Variants in PCDHA12 observed in about 807,000 individuals in gnomAD.
The protein encoded by PCDHA12 is protocadherin alpha-12.
A neutral mutation model predicts 60.0 loss-of-function variants in PCDHA12; 44 were observed. That is an observed-to-expected ratio of 0.73 (90% CI 0.58 to 0.94). The LOEUF is 0.94. Among genes scored for constraint, PCDHA12 ranks in the 40% least tolerant of loss-of-function variants. PCDHA12 has a pLI of 0.00. For missense variants in PCDHA12, 1,276 were observed against 1,239.7 expected (o/e 1.03, Z -0.44); for synonymous variants, 569 against 553.0 (o/e 1.03, Z -0.40).
intron 1 of PCDHA12, among the ~76,000 whole-genome samples, chr5:140,923,528 C>CA (rs1240707958): frequency 2.0e-5 from 3 of 151,622 alleles, no homozygotes; most frequent in Non-Finnish European, 4.4e-5. Context: ...GATTCTGTCC[C>CA]AAAAAAAGGA....
chr5:140,910,652 T>C (rs2075120001), intron 1 of PCDHA12, among the ~76,000 whole-genome samples: 1 of 152,204 alleles, frequency 6.6e-6, no homozygotes, highest in Non-Finnish European at 1.5e-5. Flanking sequence ...TTTTGATCCC[T>C]TCCTCTACAT....
chr5:140,941,285 T>C (rs1563188656), intron 1 of PCDHA12, among the ~76,000 whole-genome samples: 1 of 119,964 alleles, frequency 8.3e-6, no homozygotes, highest in African/African-American at 2.9e-5. Flanking sequence ...TTCCTTCCTT[T>C]CTCTTTCTTT....
intron 1 of PCDHA12, among the ~76,000 whole-genome samples, chr5:140,888,871 T>C (rs2062016827): frequency 6.6e-6 from 1 of 152,084 alleles, no homozygotes; most frequent in African/African-American, 2.4e-5. Flanking sequence ...TGTCTCAACA[T>C]AAAAATTAAA....
Position 140,968,052 on chromosome 5 carries a change from G to A in PCDHA12, c.2368-10897G>A, listed in dbSNP as rs990784546. ...CTGGTGGTGAGCGGCCCACTGGACC[G>A]AGAGCGGGTGGCTGTCTACAACATC... On this transcript the variant is annotated intron_variant, in intron 1 of 3. Transcript: ENST00000398631. The A allele has an allele frequency of 5.0e-6, 8 of 1,614,014 alleles. No homozygotes were observed. In the Admixed American group the frequency reaches 5.0e-5, roughly 10 times the overall value.
intron 1 of PCDHA12, chr5:140,969,583 AG>A: frequency 1.1e-6 from 1 of 914,068 alleles, no homozygotes; most frequent in South Asian, 1.9e-5. Context: ...AGTGAGGATT[AG>A]TCTTAATATT....
chr5:140,997,698 A>G (rs1587762890), intron 3 of PCDHA12, among the ~76,000 whole-genome samples: 4 of 145,560 alleles, frequency 2.7e-5, no homozygotes, highest in South Asian at 2.2e-4. Context: ...GTGTGTGTGT[A>G]TGTTAACAAA....
intron 1 of PCDHA12, among the ~76,000 whole-genome samples, chr5:140,941,223 C>CTT (rs1276732463): frequency 3.0e-5 from 4 of 132,446 alleles, no homozygotes; most frequent in African/African-American, 1.2e-4. Context: ...TCCTTTCTTT[C>CTT]TTTCTTTCTT....
At chr5:141,006,828 G>A (rs1554260937) in intron 3 of PCDHA12, among the ~76,000 whole-genome samples, 1 of 152,162 alleles carries the variant, frequency 6.6e-6, no homozygotes, top group Non-Finnish European at 1.5e-5. Context: ...TAAATGGGGT[G>A]TAATTTACTG....
chr5:140,983,807 G>T (rs1158459034), intron 3 of PCDHA12, among the ~76,000 whole-genome samples: 1 of 152,100 alleles, frequency 6.6e-6, no homozygotes, highest in African/African-American at 2.4e-5. Context: ...TGTGTAAAAG[G>T]TTTTTTCCCA....
chr5:140,976,505 C>A (rs538128648), intron 1 of PCDHA12, among the ~76,000 whole-genome samples: 1 of 152,004 alleles, frequency 6.6e-6, no homozygotes, highest in Non-Finnish European at 1.5e-5. Flanking sequence ...GAGCCAAGAT[C>A]GCGCCACTGC....
chr5:140,972,540 T>G (rs1375467339), intron 1 of PCDHA12, among the ~76,000 whole-genome samples: 2 of 152,148 alleles, frequency 1.3e-5, no homozygotes, highest in Non-Finnish European at 2.9e-5. Flanking sequence ...AAATCACTTG[T>G]GCAGTGAGGA....
chr5:140,975,120 C>T (rs2096654332), intron 1 of PCDHA12, among the ~76,000 whole-genome samples: 1 of 152,140 alleles, frequency 6.6e-6, no homozygotes, highest in African/African-American at 2.4e-5. Flanking sequence ...TGTTTTCCTA[C>T]TTACTATTGG....
At chr5:140,896,551 A>G (rs1474890462) in intron 1 of PCDHA12, among the ~76,000 whole-genome samples, 1 of 139,892 alleles carries the variant, frequency 7.1e-6, no homozygotes, top group African/African-American at 2.6e-5. Context: ...TTTTTTTTGT[A>G]TTTTAAGTAG....
At chr5:140,954,592 T>G (rs1250050362) in intron 1 of PCDHA12, among the ~76,000 whole-genome samples, 13 of 152,236 alleles carry the variant, frequency 8.5e-5, no homozygotes, top group Non-Finnish European at 5.9e-5. Flanking sequence ...TCTGTTCATG[T>G]TCTTTGCCCA....
chr5:140,898,056 T>A (rs1330796298), intron 1 of PCDHA12, among the ~76,000 whole-genome samples: 5 of 152,202 alleles, frequency 3.3e-5, no homozygotes, highest in Admixed American at 3.3e-4. Context: ...TTCTTGTAAA[T>A]TTGTTTGAGT....
chr5:140,927,740 G>A (rs782665573), intron 1 of PCDHA12: 5 of 1,614,206 alleles, frequency 3.1e-6, no homozygotes, highest in Middle Eastern at 1.6e-4. Context: ...CTGCGACACC[G>A]CTTTCACGTG....
chr5:140,978,791 A>T (rs1443899144), intron 1 of PCDHA12, 158 bp from the exon 2 acceptor site: 1 of 976,042 alleles, frequency 1.0e-6, no homozygotes, highest in South Asian at 4.7e-5. Flanking sequence ...AAAGTGCTAT[A>T]TATGTAGATA....
chr5:140,938,977 A>C (rs1205824371), intron 1 of PCDHA12, among the ~76,000 whole-genome samples: 1 of 152,190 alleles, frequency 6.6e-6, no homozygotes, highest in Admixed American at 6.5e-5. Flanking sequence ...CATCAAGGCT[A>C]TCCTGGCTTT....
chr5:140,923,062 A>G (rs548165193), intron 1 of PCDHA12, among the ~76,000 whole-genome samples: 1 of 152,372 alleles, frequency 6.6e-6, no homozygotes, highest in African/African-American at 2.4e-5. Context: ...TAAAAGAGCT[A>G]GGTCTCCTCA....
Sources: gnomAD v4.1 joint callset for allele counts (sites outside exome capture counted in the v4.1 genomes callset) on GRCh38, gnomAD v4.1.1 for gene constraint, MANE v1.5 for transcripts, NCBI Gene and HGNC (gene_info 2026-07-23, HGNC 2026-07-21) for gene names.